The following SLC25A26 variants were observed in gnomAD, a reference collection of about 807,000 sequenced individuals.
SLC25A26 encodes solute carrier family 25 member 26.
In SLC25A26, 36 loss-of-function variants were observed where a neutral mutation model predicts 37.8. That is an observed-to-expected ratio of 0.95 (90% CI 0.73 to 1.26). The LOEUF is 1.26. SLC25A26 is among the 50% of genes most tolerant of loss of function. SLC25A26 has a pLI of 0.00. For missense variants in SLC25A26, 390 were observed against 331.1 expected (o/e 1.18, Z -1.38); for synonymous variants, 129 against 122.5 (o/e 1.05, Z -0.35).
rs543979164 is a variant in SLC25A26, at chr3:66,276,790, A to AT, written c.453+13422dup. On this transcript the variant is annotated intron_variant, in intron 5 of 9. Transcript: ENST00000354883. The stretch of plus-strand genomic sequence containing the variant: ...TGGAGAAGCAGAAATTTTTGTGAGG[A>AT]TTTTTTTTTTTCCCTTTTTGAATAT... 2.8e-4 allele frequency among the ~76,000 whole-genome samples: 41 copies of AT among 146,446 alleles called. No individual in the cohort carries two copies. In the South Asian group the frequency reaches 3.9e-3, roughly 14 times the overall value.
At chr3:66,371,738 C>T (rs1700354847) in intron 9 of SLC25A26, among the ~76,000 whole-genome samples, 1 of 152,032 alleles carries the variant, frequency 6.6e-6, no homozygotes, top group Admixed American at 6.5e-5. Flanking sequence ...CTGCCAGTTC[C>T]ACAGCAAACA....
At chr3:66,332,725 T>A (rs886085025) in intron 5 of SLC25A26, among the ~76,000 whole-genome samples, 1 of 152,276 alleles carries the variant, frequency 6.6e-6, no homozygotes, top group East Asian at 1.9e-4. Context: ...GCTTGAACTT[T>A]AGTATCTATC....
chr3:66,293,414 T>G (rs1464387041), intron 5 of SLC25A26, among the ~76,000 whole-genome samples: 3 of 152,074 alleles, frequency 2.0e-5, no homozygotes, highest in Non-Finnish European at 4.4e-5. Context: ...CAGGGGTACA[T>G]GTACTGGTTT....
At chr3:66,294,175 T>G (rs185049926) in intron 5 of SLC25A26, among the ~76,000 whole-genome samples, 1 of 152,314 alleles carries the variant, frequency 6.6e-6, no homozygotes, top group East Asian at 1.9e-4. Context: ...TGTTTTTTCA[T>G]TTGCTTGTGT....
At chr3:66,343,472 A>T (rs2076254171) in intron 5 of SLC25A26, among the ~76,000 whole-genome samples, 1 of 152,238 alleles carries the variant, frequency 6.6e-6, no homozygotes, top group Non-Finnish European at 1.5e-5. Context: ...TTTTTAAACT[A>T]AATACCCAGT....
At chr3:66,159,329 T>C (rs1233353244) in intron 1 of SLC25A26, among the ~76,000 whole-genome samples, 1 of 152,212 alleles carries the variant, frequency 6.6e-6, no homozygotes, top group Non-Finnish European at 1.5e-5. Flanking sequence ...AAAGGGGTGA[T>C]ATACTCATCC....
intron 6 of SLC25A26, among the ~76,000 whole-genome samples, chr3:66,355,067 C>T (rs1306981824): frequency 6.6e-6 from 1 of 152,068 alleles, no homozygotes; most frequent in Non-Finnish European, 1.5e-5. Flanking sequence ...AACCCCCAGT[C>T]AGAATAAATA....
At chr3:66,217,970 A>G (rs2071386471), upstream of SLC25A26, among the ~76,000 whole-genome samples, 1 of 152,226 alleles carries the variant, frequency 6.6e-6, no homozygotes, top group Non-Finnish European at 1.5e-5. Flanking sequence ...TCATCATTGC[A>G]AACTATTGTT....
At chr3:66,208,666 A>ATATATATATACACATTTATATGGG (rs2071213397) in intron 1 of SLC25A26, among the ~76,000 whole-genome samples, 1 of 33,950 alleles carries the variant, frequency 2.9e-5, no homozygotes, top group Non-Finnish European at 1.1e-4. Flanking sequence ...ATATGGGTAT[A>ATATATATATACACATTTATATGGG]TATATATATA....
At chr3:66,350,625 A>G (rs1276548495) in intron 6 of SLC25A26, among the ~76,000 whole-genome samples, 2 of 152,022 alleles carry the variant, frequency 1.3e-5, no homozygotes, top group Non-Finnish European at 2.9e-5. Context: ...TAAAACATTA[A>G]GTTCTTGGCA....
chr3:66,239,703 C>A (rs1025722576), intron 2 of SLC25A26, among the ~76,000 whole-genome samples: 4 of 152,064 alleles, frequency 2.6e-5, no homozygotes, highest in African/African-American at 9.7e-5. Context: ...CAACCCTTTA[C>A]CCACATGAAA....
At chr3:66,146,735 T>G (rs2070119874) in intron 1 of SLC25A26, among the ~76,000 whole-genome samples, 1 of 152,182 alleles carries the variant, frequency 6.6e-6, no homozygotes. Context: ...TTTGGTTACA[T>G]GGACGAATTT....
intron 5 of SLC25A26, among the ~76,000 whole-genome samples, chr3:66,341,785 T>C (rs2076215383): frequency 6.6e-6 from 1 of 152,232 alleles, no homozygotes; most frequent in African/African-American, 2.4e-5. Context: ...GGGTATATGC[T>C]CTTTTCTTTA....
At chr3:66,335,505 G>T (rs1020181960) in intron 5 of SLC25A26, among the ~76,000 whole-genome samples, 45 of 152,288 alleles carry the variant, frequency 3.0e-4, no homozygotes, top group African/African-American at 9.9e-4. Context: ...TTGTAAATCA[G>T]CAGTAGATGA....
At chr3:66,355,113 C>T (rs1301709974) in intron 6 of SLC25A26, among the ~76,000 whole-genome samples, 2 of 152,048 alleles carry the variant, frequency 1.3e-5, no homozygotes, top group Non-Finnish European at 2.9e-5. Flanking sequence ...CCAGTCAGTT[C>T]CAAAAATATC....
intron 6 of SLC25A26, among the ~76,000 whole-genome samples, chr3:66,361,007 T>G (rs1456174370): frequency 6.6e-6 from 1 of 152,200 alleles, no homozygotes; most frequent in Non-Finnish European, 1.5e-5. Context: ...CATTATAAAG[T>G]TACAGTAGTG....
chr3:66,308,196 C>T (rs2075279565), intron 5 of SLC25A26, among the ~76,000 whole-genome samples: 1 of 152,054 alleles, frequency 6.6e-6, no homozygotes, highest in Non-Finnish European at 1.5e-5. Flanking sequence ...ATTTGTAGTT[C>T]TCCTTTAAGA....
chr3:66,135,094 G>C (rs2069927655), intron 1 of SLC25A26, among the ~76,000 whole-genome samples: 1 of 152,196 alleles, frequency 6.6e-6, no homozygotes, highest in East Asian at 1.9e-4. Flanking sequence ...GCCTCGCAAA[G>C]AGCTGGGATT....
intron 3 of SLC25A26, among the ~76,000 whole-genome samples, chr3:66,251,605 G>A (rs958786769): frequency 6.6e-6 from 1 of 152,156 alleles, no homozygotes; most frequent in East Asian, 1.9e-4. Flanking sequence ...CAGAACGGGA[G>A]GGTCAGGGCT....
Sources: allele counts gnomAD v4.1 joint callset (sites outside exome capture counted in the v4.1 genomes callset), GRCh38; gene constraint gnomAD v4.1.1; transcripts MANE v1.5; gene names NCBI Gene and HGNC (gene_info 2026-07-23, HGNC 2026-07-21).